NRG4: variants seen among roughly 807,000 people sequenced by gnomAD.
NRG4 encodes pro-neuregulin-4, membrane-bound isoform.
NRG4 carries 10 observed loss-of-function variants against 15.0 expected under a neutral mutation model. The observed-to-expected ratio is 0.67, with a 90% CI of 0.41 to 1.13. The LOEUF (loss-of-function observed/expected upper bound fraction) is 1.13. NRG4 is among the 50% of genes most tolerant of loss of function. The probability of loss-of-function intolerance (pLI) is 0.00; values close to 1 mark genes in which losing one functional copy is unlikely to be tolerated. For missense variants in NRG4, 139 were observed against 140.2 expected, an observed-to-expected ratio of 0.99 and a Z score of 0.04; for synonymous variants, 41 against 50.1, an observed-to-expected ratio of 0.82 and a Z score of 0.77.
intron 5 of NRG4, among the ~76,000 whole-genome samples, chr15:76,033,338 T>C (rs1055452998): frequency 8.5e-5 from 13 of 152,168 alleles, no homozygotes; most frequent in African/African-American, 3.1e-4. Flanking sequence ...GGAAGATACC[T>C]GGAGGCCAGG....
chr15:76,004,476 G>A (rs2034524812), intron 3 of NRG4, among the ~76,000 whole-genome samples: 1 of 151,614 alleles, frequency 6.6e-6, no homozygotes, highest in African/African-American at 2.4e-5. Context: ...GGCCATGCCT[G>A]TAATCCCAGC....
At chr15:76,025,267 G>A (rs964682187) in intron 5 of NRG4, among the ~76,000 whole-genome samples, 4 of 151,454 alleles carry the variant, frequency 2.6e-5, no homozygotes, top group South Asian at 2.1e-4. Context: ...GTGAAACCCC[G>A]TCTCTATTAA....
upstream of NRG4, among the ~76,000 whole-genome samples, chr15:76,016,351 A>T (rs538173711): frequency 1.3e-5 from 2 of 152,000 alleles, no homozygotes; most frequent in Non-Finnish European, 2.9e-5. Context: ...GACTGCTCTG[A>T]TCTTAGTTAT....
chr15:75,944,472 A>G (rs980463320), intron 5 of NRG4, among the ~76,000 whole-genome samples: 1 of 152,204 alleles, frequency 6.6e-6, no homozygotes, highest in Admixed American at 6.5e-5. Flanking sequence ...TGCTAGGAAT[A>G]CATTGGAAAG....
chr15:76,022,425 TACACACACAC>T (rs67005026), intron 5 of NRG4, among the ~76,000 whole-genome samples: 6 of 149,454 alleles, frequency 4.0e-5, no homozygotes, highest in East Asian at 3.9e-4. Context: ...TCAATATTTT[TACACACACAC>T]ACACACACAC....
At chr15:75,939,001 A>G (rs2030664703), downstream of NRG4, 1 of 152,208 alleles carries the variant, frequency 6.6e-6, no homozygotes, top group South Asian at 2.1e-4. Flanking sequence ...CTTACATTAA[A>G]AAACAAAAAA....
At position 75,941,874 on chromosome 15, in the gene NRG4, T is replaced by C. The variant is rs1342225398; in HGVS notation, c.*1764A>G. 8.9e-5 allele frequency: 13 copies of C among 145,602 alleles called. No individual in the cohort carries two copies. Among genetic ancestry groups the C allele is most frequent in the Non-Finnish European group, 1.3e-4 (9 of 67,314 alleles). 9.0% of individuals were successfully genotyped at this position (145,602 alleles called of 1,614,324 possible). ...ACGAATGTATTTAATGCCTTTAAACTGTAACTTCAAAATGGTTAAAATTTA... is the reference window on the plus strand; with the variant it reads ...ACGAATGTATTTAATGCCTTTAAACCGTAACTTCAAAATGGTTAAAATTTA... On this transcript the variant is annotated 3_prime_UTR_variant, in exon 6 of 6. Coordinates refer to ENST00000394907, the MANE Select transcript of NRG4 (RefSeq NM_138573.4).
intron 5 of NRG4, among the ~76,000 whole-genome samples, chr15:75,944,763 GTGT>G (rs1419873936): frequency 6.6e-6 from 1 of 150,810 alleles, no homozygotes; most frequent in African/African-American, 2.5e-5. Flanking sequence ...TTTTGTGTGT[GTGT>G]GTGGGGGGGT....
At chr15:75,952,094 C>T (rs1167432454) in intron 5 of NRG4, among the ~76,000 whole-genome samples, 1 of 152,102 alleles carries the variant, frequency 6.6e-6, no homozygotes, top group Non-Finnish European at 1.5e-5. Context: ...GATACAATCA[C>T]GTACCATAAA....
At chr15:76,047,925 G>T (rs1187232459) in intron 4 of NRG4, among the ~76,000 whole-genome samples, 1 of 150,944 alleles carries the variant, frequency 6.6e-6, no homozygotes, top group Non-Finnish European at 1.5e-5. Flanking sequence ...GGAGGCTGAG[G>T]TGGGAGGATC....
At position 76,059,043 on chromosome 15, in the gene NRG4, G is replaced by T. The variant is rs189824353; in HGVS notation, c.-328+612C>A. On this transcript the variant is annotated intron_variant, in intron 1 of 8. Transcript: ENST00000563910. ...ACCGGGGCGATGCTGCCTCCAAGGG[G>T]CGCAATGTTACTTTTTATGCATCAA... Among the ~76,000 whole-genome samples, 5 of 152,246 alleles carry T rather than the reference G, an allele frequency of 3.3e-5. No homozygotes were observed. In the East Asian group the frequency reaches 9.6e-4, roughly 29 times the overall value.
At chr15:76,011,171 A>G in intron 2 of NRG4, 50 bp downstream of exon 2, 1 of 1,309,816 alleles carries the variant, frequency 7.6e-7, no homozygotes. Flanking sequence ...TTGTTGTTCT[A>G]TTGCTATGGA....
At chr15:76,050,342 T>C (rs1052378576) in intron 4 of NRG4, among the ~76,000 whole-genome samples, 2 of 150,666 alleles carry the variant, frequency 1.3e-5, no homozygotes, top group Non-Finnish European at 2.9e-5. Context: ...TTTCCTGCTG[T>C]TTTTCCTTCG....
downstream of NRG4, chr15:75,936,806 C>T (rs571317846): frequency 1.3e-5 from 2 of 152,248 alleles, no homozygotes; most frequent in South Asian, 4.1e-4. Context: ...ACTCCAACCT[C>T]AGGTGATCTG....
intron 4 of NRG4, among the ~76,000 whole-genome samples, chr15:76,040,111 G>A (rs1363732469): frequency 6.6e-6 from 1 of 151,964 alleles, no homozygotes; most frequent in Non-Finnish European, 1.5e-5. Flanking sequence ...CTACCTCAAG[G>A]AATTTAATAA....
chr15:76,036,678 T>C (rs2035604079), intron 4 of NRG4, among the ~76,000 whole-genome samples: 1 of 152,226 alleles, frequency 6.6e-6, no homozygotes, highest in Non-Finnish European at 1.5e-5. Flanking sequence ...CAAATTAATT[T>C]ATACATGTAA....
upstream of NRG4, among the ~76,000 whole-genome samples, chr15:76,012,642 C>T (rs1026493991): frequency 9.9e-5 from 15 of 152,108 alleles, no homozygotes; most frequent in African/African-American, 3.6e-4. Flanking sequence ...CCTTAGACTC[C>T]TTACTTATCT....
intron 5 of NRG4, among the ~76,000 whole-genome samples, chr15:76,023,183 C>CACACACACA (rs67858639): frequency 1.8e-5 from 2 of 112,460 alleles, no homozygotes; most frequent in Non-Finnish European, 4.0e-5. Flanking sequence ...CACACACACA[C>CACACACACA]AAGCAAGGAC....
In NRG4 at chr15:76,025,166, G is replaced by A. The variant is rs571982888; in HGVS notation, c.-57+10778C>T. On this transcript the variant is annotated intron_variant, in intron 5 of 8. Coordinates refer to the NRG4 transcript ENST00000563910. ...GAATATAGATAGACAGGGGCTGGGC[G>A]TGGTGGCTCACACCTGTAATCCCAG... is the stretch of plus-strand genomic sequence containing the variant. Among the ~76,000 whole-genome samples, 6 of 152,300 alleles carry A rather than the reference G, an allele frequency of 3.9e-5. No individual in the cohort carries two copies. The South Asian group carries it at 6.2e-4, about 16-fold the overall frequency.
Sources: allele counts gnomAD v4.1 joint callset (sites outside exome capture counted in the v4.1 genomes callset), GRCh38; gene constraint gnomAD v4.1.1; transcripts MANE v1.5; gene names NCBI Gene and HGNC (gene_info 2026-07-23, HGNC 2026-07-21).